The following PCDHA8 variants were observed in gnomAD, a reference collection of about 807,000 sequenced individuals.
PCDHA8 encodes the protein protocadherin alpha 8.
PCDHA8 carries 53 observed loss-of-function variants against 61.8 expected under a neutral mutation model. That is an observed-to-expected ratio of 0.86 (90% CI 0.69 to 1.08). The LOEUF (loss-of-function observed/expected upper bound fraction) is 1.08. PCDHA8 is among the 50% of genes least tolerant of loss of function. The pLI is 0.00. For synonymous variants in PCDHA8, 618 were observed against 556.6 expected (o/e 1.11, Z -1.55); for missense variants, 1,293 against 1,245.0 (o/e 1.04, Z -0.58).
At chr5:141,008,431 C>T (rs1192058423) in intron 3 of PCDHA8, among the ~76,000 whole-genome samples, 1 of 152,140 alleles carries the variant, frequency 6.6e-6, no homozygotes, top group Non-Finnish European at 1.5e-5. Flanking sequence ...GATCACTTTG[C>T]CCAGACAGAC....
chr5:140,957,717 A>G (rs2095377934), intron 1 of PCDHA8, among the ~76,000 whole-genome samples: 1 of 152,166 alleles, frequency 6.6e-6, no homozygotes, highest in African/African-American at 2.4e-5. Context: ...TTATTAAGAA[A>G]GAAGCAGAAT....
intron 1 of PCDHA8, among the ~76,000 whole-genome samples, chr5:140,886,827 G>GAAA (rs782016620): frequency 3.3e-5 from 2 of 60,922 alleles, no homozygotes; most frequent in Non-Finnish European, 6.7e-5. Flanking sequence ...ACTTCGTCTT[G>GAAA]AAAAAAAAAA....
intron 1 of PCDHA8, chr5:140,967,726 TG>T: frequency 6.2e-7 from 1 of 1,613,974 alleles, no homozygotes; most frequent in Non-Finnish European, 8.5e-7. Flanking sequence ...TGCGAGTAAT[TG>T]GGGGGCTGGA....
In PCDHA8 at chr5:140,919,817, T is replaced by C. The variant is rs889103078; in HGVS notation, c.2395-59132T>C. Among the ~76,000 whole-genome samples the C allele has an allele frequency of 4.6e-5, 7 of 152,350 alleles. No homozygotes were observed. In the South Asian group the frequency reaches 1.0e-3, roughly 23 times the overall value. On this transcript the variant is annotated intron_variant, in intron 1 of 3. Coordinates refer to ENST00000531613, the MANE Select transcript of PCDHA8 (RefSeq NM_018911.3). ...TGGATTGAATTGTGGGCCTCAAAAA[T>C]ATATGTCCACATAGTAACCTTTGGA...
At position 140,843,699 on chromosome 5, in the gene PCDHA8, T is replaced by C; in HGVS notation, c.2378T>C (p.Val793Ala). The C allele has an allele frequency of 6.3e-7, 1 of 1,582,804 alleles. No homozygotes were observed. The highest frequency in any genetic ancestry group is 8.7e-7 in the Non-Finnish European group (1 of 1,153,702). The stretch of plus-strand genomic sequence containing the variant: ...GTAGGCGAAGAGCAAGATTTAAATG[T>C]TGATCATGGCCTCAAAGTAAGTCCA... ...VDVGEEQDLN[V>A]DHGLKPRQPN... The change falls in exon 1 of 4, where the codon GTT becomes GCT. Residue 793 changes from valine to alanine, a missense_variant. Physicochemically the swap from Val to Ala is moderately conservative, Grantham distance 64. Coordinates refer to ENST00000531613, the MANE Select transcript of PCDHA8 (RefSeq NM_018911.3).
intron 1 of PCDHA8, among the ~76,000 whole-genome samples, chr5:140,888,097 G>T (rs536916138): frequency 3.3e-4 from 50 of 152,066 alleles, no homozygotes; most frequent in African/African-American, 1.2e-3. Context: ...TCCTTAGTTT[G>T]CTTCTTTTAA....
chr5:141,009,298 T>C (rs1196659486), intron 3 of PCDHA8, among the ~76,000 whole-genome samples: 1 of 152,130 alleles, frequency 6.6e-6, no homozygotes, highest in Non-Finnish European at 1.5e-5. Context: ...CTATAAAATT[T>C]TTTTTAAAAA....
Position 140,938,565 on chromosome 5 carries a change from A to G in PCDHA8, c.2395-40384A>G, listed in dbSNP as rs1347602327. Among the ~76,000 whole-genome samples the G allele has an allele frequency of 2.0e-5, 3 of 151,630 alleles. No individual in the cohort carries two copies. The East Asian group carries it at 5.8e-4, about 29-fold the overall frequency. On this transcript the variant is annotated intron_variant, in intron 1 of 3. Coordinates refer to ENST00000531613, the MANE Select transcript of PCDHA8 (RefSeq NM_018911.3). ...TTTTATCCTTTTATTAATAGCATGC[A>G]TTATATTGGTTGATTTGTTAATGAT...
In PCDHA8 at chr5:141,009,914, A is replaced by T; in HGVS notation, c.2830A>T (p.Thr944Ser). The change falls in exon 4 of 4, where the codon ACG (threonine) becomes TCG (serine). Residue 944 changes from threonine (T) to serine (S), a missense_variant. Thr to Ser is a moderately conservative substitution (Grantham distance 58). Coordinates refer to ENST00000531613, the MANE Select transcript of PCDHA8 (RefSeq NM_018911.3). ...GGAGAAAAAAGAGAAAGGGAACAGCACGACTGACAACAGTGACCAGTGAGG... is the reference window on the plus strand; with the variant it reads ...GGAGAAAAAAGAGAAAGGGAACAGCTCGACTGACAACAGTGACCAGTGAGG... ...TQEKKEKGNSTTDNSDQ is the reference protein window; with the variant it reads ...TQEKKEKGNSSTDNSDQ The T allele has an allele frequency of 6.2e-7, 1 of 1,611,466 alleles. No homozygotes were observed. The highest frequency in any genetic ancestry group is 8.5e-7 in the Non-Finnish European group (1 of 1,179,328).
chr5:140,954,845 C>G (rs1479368081), intron 1 of PCDHA8, among the ~76,000 whole-genome samples: 2 of 152,140 alleles, frequency 1.3e-5, no homozygotes, highest in African/African-American at 2.4e-5. Flanking sequence ...AAATCTTTGC[C>G]TGTGCCTATG....
At chr5:140,942,907 C>T (rs990206907) in intron 1 of PCDHA8, among the ~76,000 whole-genome samples, 14 of 151,044 alleles carry the variant, frequency 9.3e-5, no homozygotes, top group Non-Finnish European at 1.6e-4. Flanking sequence ...TAAGAATAAG[C>T]GTGAAGAAAA....
chr5:140,924,754 G>T (rs1332624356), intron 1 of PCDHA8, among the ~76,000 whole-genome samples: 1 of 151,848 alleles, frequency 6.6e-6, no homozygotes, highest in African/African-American at 2.4e-5. Flanking sequence ...AATTAACCGA[G>T]CATGGTGGTG....
rs1351145867 is a variant in PCDHA8, at chr5:141,012,314, G to T, written c.*2377G>T. On this transcript the variant is annotated 3_prime_UTR_variant, in exon 4 of 4. Coordinates refer to ENST00000531613, the MANE Select transcript of PCDHA8 (RefSeq NM_018911.3). ...AATTGGTGCTATTGGTATTTCCTCTGTTATTGCTAATAAATGAAAATGGTG... is the reference window on the plus strand; with the variant it reads ...AATTGGTGCTATTGGTATTTCCTCTTTTATTGCTAATAAATGAAAATGGTG... The T allele has an allele frequency of 6.5e-6, 1 of 153,728 alleles. No individual in the cohort carries two copies. The highest frequency in any genetic ancestry group is 2.4e-5 in the African/African-American group (1 of 41,440). 9.5% of individuals were successfully genotyped at this position (153,728 alleles called of 1,614,324 possible). A position where few individuals can be genotyped will look rare whatever the true frequency, so the allele number is the denominator to read the frequency against.
Position 141,010,115 on chromosome 5 carries a change from C to A in PCDHA8, c.*178C>A, listed in dbSNP as rs1037998611. 1.2e-6 allele frequency: 2 copies of A among 1,609,682 alleles called. No individual in the cohort carries two copies. The highest frequency in any genetic ancestry group is 2.2e-5 in the South Asian group (2 of 90,640). ...CATTTAACAGGTTTTGTCGTAAAAG[C>A]TTTACTAAGTCTGGTGTTAACTCTT... On this transcript the variant is annotated 3_prime_UTR_variant, in exon 4 of 4. Transcript: ENST00000531613.
intron 1 of PCDHA8, among the ~76,000 whole-genome samples, chr5:140,880,084 T>C (rs1554171167): frequency 6.6e-6 from 1 of 152,208 alleles, no homozygotes. Context: ...CAACCTATTA[T>C]AGTAGGCTTA....
chr5:140,867,997 T>C (rs2050231431), intron 1 of PCDHA8: 1 of 152,144 alleles, frequency 6.6e-6, no homozygotes. Flanking sequence ...TTCATGAATA[T>C]AACTGAATTA....
rs2150358985 is a variant in PCDHA8, at chr5:140,843,390, A to T, written c.2069A>T (p.Glu690Val). The T allele has an allele frequency of 7.2e-5, 115 of 1,595,932 alleles. 13 individuals carry two copies. Among genetic ancestry groups the T allele is most frequent in the Admixed American group, 3.7e-4 (22 of 59,276 alleles). ...SRQSAGVLGPEAALVDVNVYL... is the reference protein window; with the variant it reads ...SRQSAGVLGPVAALVDVNVYL... ...CAGTCGGCTGGCGTTTTGGGTCCGG[A>T]AGCGGCGCTGGTGGATGTCAACGTG... The change falls in exon 1 of 4, where the codon GAA (glutamate) becomes GTA (valine). Residue 690 changes from glutamate to valine, a missense_variant. Coordinates refer to ENST00000531613, the MANE Select transcript of PCDHA8 (RefSeq NM_018911.3).
chr5:140,931,209 A>C (rs1554208285), intron 1 of PCDHA8, among the ~76,000 whole-genome samples: 1 of 152,184 alleles, frequency 6.6e-6, no homozygotes, highest in African/African-American at 2.4e-5. Context: ...CTAGTATTTC[A>C]GGTATCAGAG....
intron 1 of PCDHA8, chr5:140,858,432 G>A: frequency 6.5e-7 from 1 of 1,546,306 alleles, no homozygotes; most frequent in Admixed American, 1.9e-5. Flanking sequence ...GACCACTCTA[G>A]GAAGGTGGGT....
Sources: allele counts gnomAD v4.1 joint callset (sites outside exome capture counted in the v4.1 genomes callset), GRCh38; gene constraint gnomAD v4.1.1; transcripts MANE v1.5; gene names NCBI Gene and HGNC (gene_info 2026-07-23, HGNC 2026-07-21).